GOSR2: variants seen among roughly 807,000 people sequenced by gnomAD.
GOSR2 encodes the protein 27 kDa Golgi SNARE protein.
A neutral mutation model predicts 27.9 loss-of-function variants in GOSR2; 20 were observed. That is an observed-to-expected ratio of 0.72 (90% CI 0.50 to 1.04). GOSR2 has a LOEUF of 1.04. Among genes scored for constraint, GOSR2 ranks in the 50% least tolerant of loss-of-function variants. The pLI is 0.00. For synonymous variants in GOSR2, 91 were observed against 98.8 expected, an observed-to-expected ratio of 0.92 and a Z score of 0.47; for missense variants, 261 against 270.5, an observed-to-expected ratio of 0.97 and a Z score of 0.25.
intron 6 of GOSR2, among the ~76,000 whole-genome samples, chr17:46,974,285 CT>C (rs1316370031): frequency 3.3e-5 from 5 of 152,060 alleles, no homozygotes; most frequent in African/African-American, 1.2e-4. Context: ...CACCCAGTGC[CT>C]GGCACAGTGC....
chr17:46,935,296 C>T (rs758103181), intron 5 of GOSR2, 127 bp downstream of exon 5: 1 of 1,563,294 alleles, frequency 6.4e-7, no homozygotes, highest in East Asian at 2.3e-5. Context: ...AGACAGAGCC[C>T]TTGAGTTTGG....
chr17:46,934,198 CT>C (rs2087880409), intron 4 of GOSR2, among the ~76,000 whole-genome samples: 2 of 141,420 alleles, frequency 1.4e-5, no homozygotes, highest in South Asian at 4.2e-4. Flanking sequence ...ACTGGACACA[CT>C]TCCAGCTGTG....
intron 6 of GOSR2, chr17:46,963,908 C>T (rs943564990): frequency 3.3e-5 from 5 of 152,422 alleles, no homozygotes; most frequent in African/African-American, 9.6e-5. Context: ...TCTCGAACTC[C>T]TGGTCTCAAG....
At chr17:46,924,190 ATACT>A (rs2086152304) in intron 1 of GOSR2, 1 of 235,728 alleles carries the variant, frequency 4.2e-6, no homozygotes, top group African/African-American at 2.2e-5. Flanking sequence ...CCTATTCTAG[ATACT>A]TAATATAAGT....
At chr17:46,952,684 A>G (rs2090448281) in intron 6 of GOSR2, 2 of 152,222 alleles carry the variant, frequency 1.3e-5, no homozygotes, top group South Asian at 4.1e-4. Context: ...GCCACCTGAG[A>G]ATAAAGTGAT....
intron 5 of GOSR2, 39 bp from the exon 6 acceptor site, chr17:46,938,560 C>T (rs1360954678): frequency 1.2e-6 from 2 of 1,613,058 alleles, no homozygotes; most frequent in Middle Eastern, 1.7e-4. Context: ...GGTAAAGCGA[C>T]TTGATGTTTG....
downstream of GOSR2, among the ~76,000 whole-genome samples, chr17:46,968,532 C>T (rs1309466189): frequency 1.3e-5 from 2 of 152,260 alleles, no homozygotes; most frequent in Non-Finnish European, 1.5e-5. Context: ...GAGCACCATG[C>T]CAAGCTCATC....
At chr17:46,962,866 A>C (rs2091143367) in intron 6 of GOSR2, among the ~76,000 whole-genome samples, 1 of 152,222 alleles carries the variant, frequency 6.6e-6, no homozygotes, top group South Asian at 2.1e-4. Context: ...TAGATAACCA[A>C]AAGAATCTCT....
At chr17:46,969,509 G>T (rs534779105), downstream of GOSR2, among the ~76,000 whole-genome samples, 1 of 152,216 alleles carries the variant, frequency 6.6e-6, no homozygotes. Flanking sequence ...GGCCAGAGTT[G>T]CTTTCTTATG....
At chr17:46,948,059 C>T (rs1306829309) in intron 6 of GOSR2, among the ~76,000 whole-genome samples, 1 of 151,300 alleles carries the variant, frequency 6.6e-6, no homozygotes, top group Non-Finnish European at 1.5e-5. Flanking sequence ...ACGTGAGCCA[C>T]CGCGCCCAGC....
In GOSR2 at chr17:46,938,840, A is replaced by G. The variant is rs375452158; in HGVS notation, c.*80A>G. 4.9e-5 allele frequency: 78 copies of G among 1,605,190 alleles called. 1 individual carries two copies. In the East Asian group the frequency reaches 6.5e-4, roughly 13 times the overall value. ...GTGTGAAAGAGAGAGGGGGGCCCAG[A>G]GGCCGCCTTTTGAAATGTTTGCCTG... On this transcript the variant is annotated 3_prime_UTR_variant, in exon 6 of 6. Coordinates refer to ENST00000640051, the MANE Select transcript of GOSR2 (RefSeq NM_004287.5).
In GOSR2 at chr17:46,962,032, T is replaced by C. The variant is rs1442501347; in HGVS notation, c.584-4502T>C. The stretch of plus-strand genomic sequence containing the variant: ...TAAGGGAGTGGGGCATAGTTGGAAT[T>C]CCAAAAATAAAAATAGGGGCCAGGC... On this transcript the variant is annotated intron_variant, in intron 6 of 6. Transcript: ENST00000573224. Among the ~76,000 whole-genome samples the C allele has an allele frequency of 2.0e-5, 3 of 152,026 alleles. No individual in the cohort carries two copies. In the East Asian group the frequency reaches 5.8e-4, roughly 29 times the overall value.
intron 6 of GOSR2, among the ~76,000 whole-genome samples, chr17:46,950,217 G>A (rs907191053): frequency 2.0e-5 from 3 of 152,174 alleles, no homozygotes; most frequent in African/African-American, 7.2e-5. Context: ...GTCACTTCTC[G>A]TTCCTATCCC....
intron 6 of GOSR2, among the ~76,000 whole-genome samples, chr17:46,949,519 GA>G (rs2090170328): frequency 1.3e-5 from 2 of 152,284 alleles, no homozygotes; most frequent in South Asian, 4.1e-4. Context: ...CACATTCTAA[GA>G]AGAGCAGGTG....
At position 46,939,621 on chromosome 17, in the gene GOSR2, C is replaced by T. The variant is rs2088976347; in HGVS notation, c.*861C>T. ...ACAGTCTCAGCTCTAGTTTTAGTAT[C>T]TCTAATTCTTTGGTTCCCTTCTCTT... On this transcript the variant is annotated 3_prime_UTR_variant, in exon 6 of 6. Transcript: ENST00000640051. The T allele has an allele frequency of 8.1e-6, 8 of 985,512 alleles. No homozygotes were observed. The highest frequency in any genetic ancestry group is 8.4e-6 in the Non-Finnish European group (7 of 830,054). 61.0% of individuals were successfully genotyped at this position (985,512 alleles called of 1,614,324 possible).
intron 1 of GOSR2, among the ~76,000 whole-genome samples, chr17:46,929,181 C>T (rs904035818): frequency 2.6e-5 from 4 of 152,180 alleles, no homozygotes; most frequent in African/African-American, 9.7e-5. Flanking sequence ...AGGTTTATCA[C>T]TTGCTGTGTG....
At chr17:46,932,912 A>G (rs1022935687) in intron 4 of GOSR2, 1 of 152,364 alleles carries the variant, frequency 6.6e-6, no homozygotes, top group Non-Finnish European at 1.5e-5. Context: ...TTTTCTAAAG[A>G]GATGTTAGCT....
chr17:46,938,999 GTCTC>G lies in GOSR2; in HGVS notation c.*244_*247del, dbSNP rs1310887620. 2 of 1,367,992 alleles carry G rather than the reference GTCTC, an allele frequency of 1.5e-6. No individual in the cohort carries two copies. The highest frequency in any genetic ancestry group is 6.4e-5 in the East Asian group (2 of 31,240). 84.7% of individuals were successfully genotyped at this position (1,367,992 alleles called of 1,614,324 possible). On this transcript the variant is annotated 3_prime_UTR_variant, in exon 6 of 6. Coordinates refer to ENST00000640051, the MANE Select transcript of GOSR2 (RefSeq NM_004287.5). ...AGGAAATGAAAGAAGTCCCGGGTCT[GTCTC>G]TCTCACTCTCGCTCTCACTGGGGGA...
chr17:46,938,564 ATGTT>A (rs2088801753), intron 5 of GOSR2, 31 bp from the exon 6 acceptor site: 2 of 1,613,110 alleles, frequency 1.2e-6, no homozygotes, highest in Non-Finnish European at 1.7e-6. Context: ...AAGCGACTTG[ATGTT>A]TGTTTTTTTT....
Sources: allele counts gnomAD v4.1 joint callset (sites outside exome capture counted in the v4.1 genomes callset), GRCh38; gene constraint gnomAD v4.1.1; transcripts MANE v1.5; gene names NCBI Gene and HGNC (gene_info 2026-07-23, HGNC 2026-07-21).